The following TET3 variants were observed in gnomAD, a reference collection of about 807,000 sequenced individuals.
TET3 encodes the protein tet methylcytosine dioxygenase 3.
A neutral mutation model predicts 141.4 loss-of-function variants in TET3; 19 were observed. The ratio of observed to expected loss-of-function variants is 0.13; its 90% CI spans 0.09 to 0.20. The LOEUF (loss-of-function observed/expected upper bound fraction) is 0.20. Among genes scored for constraint, TET3 ranks in the 10% least tolerant of loss-of-function variants. TET3 has a pLI of 1.00. For missense variants in TET3, 1,874 were observed against 2,356.9 expected, an observed-to-expected ratio of 0.80 and a Z score of 4.24; for synonymous variants, 1,043 against 980.9, an observed-to-expected ratio of 1.06 and a Z score of -1.18.
At chr2:74,117,966 G>A in the TET3 span, among the ~76,000 whole-genome samples, 4 of 151,936 alleles carry the variant, frequency 2.6e-5, no homozygotes, top group African/African-American at 7.3e-5. Context: ...GGCTGGTCTC[G>A]AACTCCTGAC....
At chr2:73,992,909 A>G (rs576164953) in intron 2 of TET3, among the ~76,000 whole-genome samples, 1 of 152,344 alleles carries the variant, frequency 6.6e-6, no homozygotes, top group East Asian at 1.9e-4. Context: ...GAGGCAAATG[A>G]ACAGATCTAG....
At position 74,010,501 on chromosome 2, in the gene TET3, C is replaced by T. The variant is rs549257285; in HGVS notation, c.360+7335C>T. The stretch of plus-strand genomic sequence containing the variant: ...CCAGGGACTGGTCCCTCTGGTTCAA[C>T]GAGTTTGGTGGTTCTCAGCACCAAC... On this transcript the variant is annotated intron_variant, in intron 3 of 11. Coordinates refer to ENST00000409262, the MANE Select transcript of TET3 (RefSeq NM_001287491.2). Among the ~76,000 whole-genome samples the T allele has an allele frequency of 3.3e-5, 5 of 152,342 alleles. No homozygotes were observed. The South Asian group carries it at 6.2e-4, about 19-fold the overall frequency.
At chr2:74,119,649 T>C in the TET3 span, among the ~76,000 whole-genome samples, 18,258 of 152,188 alleles carry the variant, frequency 0.12, 2,879 homozygotes, top group African/African-American at 0.37. Context: ...CCAGGAGGTG[T>C]TACTTTAAGA....
chr2:74,102,309 T>C lies in TET3; in HGVS notation c.*133T>C, dbSNP rs1691271596. 1 of 966,624 alleles carries C rather than the reference T, an allele frequency of 1.0e-6. No individual in the cohort carries two copies. The allele number at this position is 966,624 out of a possible 1,614,324, so 59.9% of individuals were successfully genotyped here. On this transcript the variant is annotated 3_prime_UTR_variant, in exon 12 of 12. Coordinates refer to ENST00000409262, the MANE Select transcript of TET3 (RefSeq NM_001287491.2). ...CTCTATATACATATATAGATGCGCA[T>C]ATCATATATATGTATTTATGGTCCA...
At position 74,101,080 on chromosome 2, in the gene TET3, C is replaced by T; in HGVS notation, c.4292C>T (p.Pro1431Leu). 1 of 1,612,572 alleles carries T rather than the reference C, an allele frequency of 6.2e-7. No individual in the cohort carries two copies. The highest frequency in any genetic ancestry group is 8.5e-7 in the Non-Finnish European group (1 of 1,179,302). Residue 1431 changes from proline (P) to leucine (L), a missense_variant, in exon 12 of 12, where the codon CCC becomes CTC. Around this residue, in one of 10 missense-constraint regions of TET3, gnomAD observed 602 missense variants for 590.2 expected, o/e 1.02. Transcript: ENST00000409262. The surrounding 1 kb of genome is among the most constrained non-coding windows in gnomAD (Gnocchi z 8.5). ...TCCGAGGTGTCTCAGAATGGAGGAC[C>T]CAGTCACCTTTGGGGACAGTACTCA... Reference protein sequence around the residue: ...PLSEVSQNGGPSHLWGQYSGG... With the variant: ...PLSEVSQNGGLSHLWGQYSGG...
intron 2 of TET3, among the ~76,000 whole-genome samples, chr2:73,992,633 G>C (rs1410339304): frequency 2.0e-5 from 3 of 151,998 alleles, no homozygotes; most frequent in Admixed American, 2.0e-4. Context: ...TTTTTAAATA[G>C]AGACAGAGTG....
At chr2:73,994,068 A>T (rs530291849) in intron 2 of TET3, among the ~76,000 whole-genome samples, 1 of 152,192 alleles carries the variant, frequency 6.6e-6, no homozygotes, top group Admixed American at 6.5e-5. Context: ...TGGGGCAGTC[A>T]GGTACAGTGA....
intron 4 of TET3, among the ~76,000 whole-genome samples, chr2:74,065,605 T>TCCGA (rs1439927853): frequency 7.6e-6 from 1 of 130,822 alleles, no homozygotes; most frequent in Non-Finnish European, 1.7e-5. Flanking sequence ...CTTCCTTCCG[T>TCCGA]CCGTCCGTCC....
rs201659206 is a variant in TET3 at position 74,047,209 on chromosome 2, C to G, written c.1292C>G (p.Thr431Ser). Reference sequence around the variant, plus strand: ...GCCTTCCCTCCAGCAACTCCTAGAACTGAGTTCCCTGAAGCCTGGGGCACT... The same window carrying G: ...GCCTTCCCTCCAGCAACTCCTAGAAGTGAGTTCCCTGAAGCCTGGGGCACT... ...SSAFPPATPR[T>S]EFPEAWGTDT... Residue 431 changes from threonine (T) to serine (S), a missense_variant, in exon 4 of 12, where the codon ACT becomes AGT. This residue lies in a region of TET3 where 484 missense variants were observed against 462.2 expected (regional missense o/e 1.05). Transcript: ENST00000409262. 484 of 1,614,046 alleles carry G rather than the reference C, an allele frequency of 3.0e-4. 2 individuals are homozygous for G. In the African/African-American group the frequency reaches 5.7e-3, roughly 19 times the overall value.
chr2:74,018,376 A>G (rs545354310), intron 3 of TET3, among the ~76,000 whole-genome samples: 1 of 152,220 alleles, frequency 6.6e-6, no homozygotes, highest in Admixed American at 6.5e-5. Context: ...TTTGTCTTTC[A>G]TTGTGTCTAT....
chr2:74,002,917 G>C lies in TET3; in HGVS notation c.304-193G>C, dbSNP rs528257553. The C allele has an allele frequency of 3.6e-5, 22 of 609,902 alleles. No homozygotes were observed. In the South Asian group the frequency reaches 4.1e-4, roughly 11 times the overall value. 37.8% of individuals were successfully genotyped at this position (609,902 alleles called of 1,614,324 possible). On this transcript the variant is annotated intron_variant, in intron 2 of 11. Coordinates refer to ENST00000409262, the MANE Select transcript of TET3 (RefSeq NM_001287491.2). The stretch of plus-strand genomic sequence containing the variant: ...GAAAACAAAAACACACTGGAAGGCG[G>C]GGGAGCCTGTCTGCCGTGATCCAGG...
chr2:74,135,466 A>G, the TET3 span: 5 of 1,349,128 alleles, frequency 3.7e-6, no homozygotes, highest in Non-Finnish European at 5.3e-6. Flanking sequence ...TACATCTTCT[A>G]TAATTATAAT....
At chr2:74,068,670 G>T (rs1689039293) in intron 4 of TET3, among the ~76,000 whole-genome samples, 2 of 152,272 alleles carry the variant, frequency 1.3e-5, no homozygotes, top group Admixed American at 6.5e-5. Context: ...CAAACAGATT[G>T]TGCATTTGTC....
chr2:74,027,254 A>G (rs1686416171), intron 3 of TET3, among the ~76,000 whole-genome samples: 1 of 151,590 alleles, frequency 6.6e-6, no homozygotes, highest in Non-Finnish European at 1.5e-5. Flanking sequence ...GCTTATGGAG[A>G]TGCAGATGAA....
rs775968675 is a variant in TET3 at position 74,046,424 on chromosome 2, G to C, written c.507G>C (p.Gly169=). The change falls in exon 4 of 12, where the codon GGG becomes GGC. Residue 169 remains glycine, a synonymous_variant. Transcript: ENST00000409262. This position sits in a 1 kb window ranked among gnomAD's most constrained non-coding sequence, Gnocchi z 4.3. ...AREPAGPSLL[G]TGGPWRVDQK... ...AGCCCGCTGGACCCAGTCTGCTGGG[G>C]ACTGGGGGTCCTTGGCGGGTAGACC... is the stretch of plus-strand genomic sequence containing the variant. 2 of 1,592,576 alleles carry C rather than the reference G, an allele frequency of 1.3e-6. No homozygotes were observed. The highest frequency in any genetic ancestry group is 2.3e-5 in the South Asian group (2 of 86,570).
At chr2:74,034,781 C>T (rs1034100170) in intron 3 of TET3, among the ~76,000 whole-genome samples, 1 of 152,004 alleles carries the variant, frequency 6.6e-6, no homozygotes, top group African/African-American at 2.4e-5. Context: ...ACAAAGCTTT[C>T]CTAGGAGTCG....
intron 3 of TET3, among the ~76,000 whole-genome samples, chr2:74,035,661 A>C (rs972799789): frequency 6.6e-6 from 1 of 151,938 alleles, no homozygotes; most frequent in African/African-American, 2.4e-5. Flanking sequence ...CAGGAGGTGG[A>C]GGTTGCATTG....
intron 7 of TET3, 117 bp from the exon 8 acceptor site, chr2:74,089,780 G>C: frequency 7.3e-7 from 1 of 1,376,184 alleles, no homozygotes; most frequent in Non-Finnish European, 1.0e-6. Context: ...ATGAGTCTCA[G>C]TCACTGGGAG....
At position 74,099,476 on chromosome 2, in the gene TET3, C is replaced by T. The variant is rs199772517; in HGVS notation, c.3468C>T (p.Ala1156=). ...PREVRRLPEP[A]KSCRQRQLEA... ...AGGTCCGACGCCTGCCCGAGCCTGCCAAGTCCTGCCGCCAGCGGCAGCTGG... is the reference window on the plus strand; with the variant it reads ...AGGTCCGACGCCTGCCCGAGCCTGCTAAGTCCTGCCGCCAGCGGCAGCTGG... Residue 1156 remains alanine (A), a synonymous_variant, in exon 11 of 12, where the codon GCC becomes GCT. Transcript: ENST00000409262. 67 of 1,613,784 alleles carry T rather than the reference C, an allele frequency of 4.2e-5. No individual in the cohort carries two copies. The African/African-American group carries it at 8.5e-4, about 21-fold the overall frequency.
Sources: allele counts gnomAD v4.1 joint callset (sites outside exome capture counted in the v4.1 genomes callset), GRCh38; gene constraint gnomAD v4.1.1; regional missense constraint gnomAD v4.1.1; non-coding constraint Gnocchi (gnomAD v3.1); transcripts MANE v1.5; gene names NCBI Gene and HGNC (gene_info 2026-07-23, HGNC 2026-07-21).